Variants in SLC9A1 observed in about 807,000 individuals in gnomAD.
The protein encoded by SLC9A1 is solute carrier family 9 member A1, also known as sodium/hydrogen exchanger 1.
Under a neutral mutation model 67.9 loss-of-function variants are expected in SLC9A1, and 22 were observed. The observed-to-expected ratio is 0.32, with a 90% CI of 0.23 to 0.46. The LOEUF (loss-of-function observed/expected upper bound fraction) is 0.46. SLC9A1 is among the 20% of genes least tolerant of loss of function. SLC9A1 has a pLI of 1.00. For missense variants in SLC9A1, 686 were observed against 1,094.8 expected, an observed-to-expected ratio of 0.63 and a Z score of 5.27; for synonymous variants, 421 against 471.8, an observed-to-expected ratio of 0.89 and a Z score of 1.40.
intron 1 of SLC9A1, among the ~76,000 whole-genome samples, chr1:27,152,669 A>C (rs572214495): frequency 2.0e-4 from 31 of 152,258 alleles, no homozygotes; most frequent in Admixed American, 7.8e-4. Context: ...ATAGGTGCTG[A>C]TGGCTTAGTT....
At chr1:27,107,907 G>C (rs2124142625) in intron 3 of SLC9A1, 42 bp from the exon 4 acceptor site, 1 of 1,437,906 alleles carries the variant, frequency 7.0e-7, no homozygotes, top group Non-Finnish European at 9.6e-7. Flanking sequence ...GTGTCGAGCT[G>C]CACCTGCTCG....
intron 1 of SLC9A1, among the ~76,000 whole-genome samples, chr1:27,150,449 G>A (rs1202813984): frequency 6.6e-6 from 1 of 152,146 alleles, no homozygotes; most frequent in Non-Finnish European, 1.5e-5. Flanking sequence ...GAGTTACAGT[G>A]AGGCTCTCCT....
intron 1 of SLC9A1, among the ~76,000 whole-genome samples, chr1:27,143,621 G>C (rs897650939): frequency 6.6e-6 from 1 of 152,302 alleles, no homozygotes; most frequent in Non-Finnish European, 1.5e-5. Flanking sequence ...CGGAACAGAG[G>C]CTTCCCTGGA....
intron 6 of SLC9A1, 82 bp from the exon 7 acceptor site, chr1:27,102,825 C>G (rs764175755): frequency 4.5e-5 from 56 of 1,240,858 alleles, no homozygotes; most frequent in Non-Finnish European, 6.0e-5. Flanking sequence ...CACTCCCTCC[C>G]GTAGCTGCAG....
intron 1 of SLC9A1, among the ~76,000 whole-genome samples, chr1:27,126,533 C>T (rs968707028): frequency 3.9e-5 from 6 of 152,164 alleles, no homozygotes; most frequent in Non-Finnish European, 5.9e-5. Flanking sequence ...AACCCAGTCA[C>T]GCTCAGTTCT....
At chr1:27,139,883 C>T (rs1483855126) in intron 1 of SLC9A1, among the ~76,000 whole-genome samples, 1 of 151,792 alleles carries the variant, frequency 6.6e-6, no homozygotes, top group East Asian at 1.9e-4. Context: ...ACCTCCACCT[C>T]CTGGGTTCAA....
At chr1:27,150,039 G>A (rs1217500124) in intron 1 of SLC9A1, among the ~76,000 whole-genome samples, 2 of 152,212 alleles carry the variant, frequency 1.3e-5, no homozygotes, top group East Asian at 3.8e-4. Flanking sequence ...AGAGAAAAAG[G>A]TCATCGCTTC....
intron 1 of SLC9A1, among the ~76,000 whole-genome samples, chr1:27,129,043 C>T (rs2083367339): frequency 6.6e-6 from 1 of 152,174 alleles, no homozygotes; most frequent in African/African-American, 2.4e-5. Flanking sequence ...TCCCAGAAAC[C>T]AGCAGCGGCA....
Position 27,100,528 on chromosome 1 carries a change from C to G in SLC9A1, c.2227G>C (p.Gly743Arg). 1 of 1,614,120 alleles carries G rather than the reference C, an allele frequency of 6.2e-7. No individual in the cohort carries two copies. Residue 743 changes from glycine (G) to arginine (R), a missense_variant, in exon 12 of 12, where the codon GGG becomes CGG. By Grantham distance (125) the Gly-to-Arg change is moderately radical. This residue lies in a region of SLC9A1 where 226 missense variants were observed against 282.4 expected (regional missense o/e 0.80). Transcript: ENST00000263980. This position sits in a 1 kb window ranked among gnomAD's most constrained non-coding sequence, Gnocchi z 5.6. ...VNEELKGKVL[G>R]LSRDPAKVAE... ...ACCTTTGCAGGATCCCGGCTCAACC[C>G]TAAGACTTTGCCCTTCAGCTCTTCA...
rs1189143832 is a variant in SLC9A1, at chr1:27,113,862, A to C, written c.777T>G (p.Val259=). Residue 259 remains valine (V), a synonymous_variant, in exon 2 of 12, where the codon GTT becomes GTG. Coordinates refer to ENST00000263980, the MANE Select transcript of SLC9A1 (RefSeq NM_003047.5). The part of the protein sequence containing the change: ...IHINELLHIL[V]FGESLLNDAV... ...CGTCATTGAGCAAGGACTCCCCAAA[A>C]ACAAGGATGTGCAGCAGCTCATTGA... 6.2e-7 allele frequency: 1 copy of C among 1,613,860 alleles called. No homozygotes were observed. The highest frequency in any genetic ancestry group is 8.5e-7 in the Non-Finnish European group (1 of 1,179,870).
rs562802426 is a variant in SLC9A1 at position 27,114,541 on chromosome 1, A to G, written c.353-255T>C. Among the ~76,000 whole-genome samples the G allele has an allele frequency of 3.3e-5, 5 of 152,326 alleles. No individual in the cohort carries two copies. Among genetic ancestry groups the G allele is most frequent in the African/African-American group, 1.2e-4 (5 of 41,570 alleles). On this transcript the variant is annotated intron_variant, in intron 1 of 11. Coordinates refer to ENST00000263980, the MANE Select transcript of SLC9A1 (RefSeq NM_003047.5). This position sits in a 1 kb window ranked among gnomAD's most constrained non-coding sequence, Gnocchi z 5.4. Reference sequence around the variant, plus strand: ...AGCACTTTTTTCAAAGGATATATACATGCTATCTCTGTCACTGTCATAAAA... The same window carrying G: ...AGCACTTTTTTCAAAGGATATATACGTGCTATCTCTGTCACTGTCATAAAA...
chr1:27,116,188 T>C (rs1422164572), intron 1 of SLC9A1, among the ~76,000 whole-genome samples: 2 of 152,106 alleles, frequency 1.3e-5, no homozygotes, highest in Non-Finnish European at 2.9e-5. Context: ...GGTGAAACCC[T>C]GTCTCTACTA....
Position 27,103,424 on chromosome 1 carries a change from G to C in SLC9A1, c.1486-112C>G. ...AAGGCTAGGATGCCCTCTCTGCTCT[G>C]CTCTCTCCCAGGACCCAAGGGTGTG... On this transcript the variant is annotated intron_variant, in intron 5 of 11. Coordinates refer to ENST00000263980, the MANE Select transcript of SLC9A1 (RefSeq NM_003047.5). The C allele has an allele frequency of 5.0e-6, 4 of 793,522 alleles. No individual in the cohort carries two copies. The South Asian group carries it at 5.4e-5, about 11-fold the overall frequency. The allele number at this position is 793,522 out of a possible 1,614,324, so 49.2% of individuals were successfully genotyped here. A position where few individuals can be genotyped will look rare whatever the true frequency, so the allele number is the denominator to read the frequency against.
chr1:27,113,859 A>C lies in SLC9A1; in HGVS notation c.780T>G (p.Phe260Leu). 1.2e-6 allele frequency: 2 copies of C among 1,613,844 alleles called. No individual in the cohort carries two copies. Among genetic ancestry groups the C allele is most frequent in the Non-Finnish European group, 1.7e-6 (2 of 1,179,708 alleles). The change falls in exon 2 of 12, where the codon TTT (phenylalanine) becomes TTG (leucine). Residue 260 changes from phenylalanine to leucine, a missense_variant. Around this residue, in one of 7 missense-constraint regions of SLC9A1, gnomAD observed 13 missense variants for 56.6 expected, o/e 0.23. Coordinates refer to ENST00000263980, the MANE Select transcript of SLC9A1 (RefSeq NM_003047.5). ...CGGCGTCATTGAGCAAGGACTCCCCAAAAACAAGGATGTGCAGCAGCTCAT... is the reference window on the plus strand; with the variant it reads ...CGGCGTCATTGAGCAAGGACTCCCCCAAAACAAGGATGTGCAGCAGCTCAT... ...HINELLHILVFGESLLNDAVT... is the reference protein window; with the variant it reads ...HINELLHILVLGESLLNDAVT...
At chr1:27,152,308 T>C (rs1412784731) in intron 1 of SLC9A1, among the ~76,000 whole-genome samples, 2 of 152,250 alleles carry the variant, frequency 1.3e-5, no homozygotes, top group East Asian at 3.9e-4. Context: ...CCACTGACAC[T>C]CAAAGTGTGT....
intron 1 of SLC9A1, among the ~76,000 whole-genome samples, chr1:27,141,586 C>G (rs903737674): frequency 6.6e-6 from 1 of 152,244 alleles, no homozygotes; most frequent in East Asian, 1.9e-4. Flanking sequence ...AATCACACCC[C>G]CTTTCTACTG....
At position 27,103,501 on chromosome 1, in the gene SLC9A1, C is replaced by A. The variant is rs574313141; in HGVS notation, c.1486-189G>T. 157 of 597,996 alleles carry A rather than the reference C, an allele frequency of 2.6e-4. 1 individual carries two copies. The East Asian group carries it at 4.3e-3, about 16-fold the overall frequency. The allele number at this position is 597,996 out of a possible 1,614,324, so 37.0% of individuals were successfully genotyped here. ...TCTAAAGACAGGTCCTTAAGGCCTG[C>A]TTCTTCCTGGAGACACGGTCAGAGG... is the stretch of plus-strand genomic sequence containing the variant. On this transcript the variant is annotated intron_variant, in intron 5 of 11. Transcript: ENST00000263980.
In SLC9A1 at chr1:27,101,235, G is replaced by A; in HGVS notation, c.2078C>T (p.Ser693Leu). 4.3e-6 allele frequency: 7 copies of A among 1,612,108 alleles called. No individual in the cohort carries two copies. The highest frequency in any genetic ancestry group is 5.9e-6 in the Non-Finnish European group (7 of 1,179,962). The change falls in exon 11 of 12, where the codon TCA (serine) becomes TTA (leucine). Residue 693 changes from serine to leucine, a missense_variant. Coordinates refer to ENST00000263980, the MANE Select transcript of SLC9A1 (RefSeq NM_003047.5). This position sits in a 1 kb window ranked among gnomAD's most constrained non-coding sequence, Gnocchi z 4.9. Reference protein sequence around the residue: ...YLTVPAHKLDSPTMSRARIGS... With the variant: ...YLTVPAHKLDLPTMSRARIGS... The stretch of plus-strand genomic sequence containing the variant: ...GATGCGGGCCCGAGACATGGTGGGT[G>A]AGTCCAGCTTGTGGGCTGGCACCGT...
intron 1 of SLC9A1, among the ~76,000 whole-genome samples, chr1:27,131,959 T>A (rs868762156): frequency 0.013 from 1,487 of 118,792 alleles, 60 homozygotes; most frequent in African/African-American, 0.04. Flanking sequence ...TATATATATA[T>A]ATATATATAT....
Sources: gnomAD v4.1 joint callset for allele counts (sites outside exome capture counted in the v4.1 genomes callset) on GRCh38, gnomAD v4.1.1 for gene constraint, gnomAD v4.1.1 regional missense constraint, Gnocchi (gnomAD v3.1) non-coding constraint, MANE v1.5 for transcripts, NCBI Gene and HGNC (gene_info 2026-07-23, HGNC 2026-07-21) for gene names.